Variants in TACR1 observed in about 807,000 individuals in gnomAD.
TACR1 encodes tachykinin receptor 1.
TACR1 carries 25 observed loss-of-function variants against 35.8 expected under a neutral mutation model. That is an observed-to-expected ratio of 0.70 (90% CI 0.51 to 0.98). The LOEUF (loss-of-function observed/expected upper bound fraction) is 0.98. Among genes scored for constraint, TACR1 ranks in the 50% least tolerant of loss-of-function variants. The pLI, the probability that TACR1 is intolerant of heterozygous loss-of-function variation, is 0.00. For synonymous variants in TACR1, 195 were observed against 206.7 expected (o/e 0.94, Z 0.48); for missense variants, 478 against 522.9 (o/e 0.91, Z 0.84).
intron 1 of TACR1, among the ~76,000 whole-genome samples, chr2:75,196,458 C>CTGTA (rs1675977321): frequency 6.6e-6 from 1 of 152,176 alleles, no homozygotes; most frequent in Admixed American, 6.5e-5. Context: ...CCTCCCTGGG[C>CTGTA]TGTATCTGCA....
At chr2:75,163,322 T>A (rs1480596903) in intron 1 of TACR1, among the ~76,000 whole-genome samples, 1 of 152,242 alleles carries the variant, frequency 6.6e-6, no homozygotes, top group African/African-American at 2.4e-5. Context: ...GCTTTCCTTT[T>A]GGGCTCAAGT....
Position 75,198,971 on chromosome 2 carries a change from C to A in TACR1, c.-37G>T. On this transcript the variant is annotated 5_prime_UTR_variant, in exon 1 of 5. Coordinates refer to ENST00000305249, the MANE Select transcript of TACR1 (RefSeq NM_001058.4). ...GCGGTAAAGCCCTACTATCTGTACA[C>A]AACCCCCCTCTGCAGCAGAGTCCTG... 1 of 1,595,802 alleles carries A rather than the reference C, an allele frequency of 6.3e-7. No homozygotes were observed. The highest frequency in any genetic ancestry group is 1.1e-5 in the South Asian group (1 of 87,940).
rs532215769 is a variant in TACR1, at chr2:75,092,922, T to G, written c.584+27652A>C. 9.8e-5 allele frequency among the ~76,000 whole-genome samples: 15 copies of G among 152,336 alleles called. No homozygotes were observed. The South Asian group carries it at 3.1e-3, about 32-fold the overall frequency. On this transcript the variant is annotated intron_variant, in intron 2 of 4. Transcript: ENST00000305249. Reference sequence around the variant, plus strand: ...AGATACGGAGAAATGGAATTAAAGCTATCAAAATAAGAAAATTCCTGATCA... The same window carrying G: ...AGATACGGAGAAATGGAATTAAAGCGATCAAAATAAGAAAATTCCTGATCA...
chr2:75,123,784 T>C (rs921737445), intron 1 of TACR1, among the ~76,000 whole-genome samples: 1 of 152,176 alleles, frequency 6.6e-6, no homozygotes, highest in Admixed American at 6.5e-5. Context: ...TTTTTTCTTA[T>C]TCACCCAAAA....
intron 1 of TACR1, among the ~76,000 whole-genome samples, chr2:75,153,222 T>G (rs781076808): frequency 2.0e-5 from 3 of 152,170 alleles, no homozygotes; most frequent in Non-Finnish European, 4.4e-5. Flanking sequence ...TAAGAGTTCT[T>G]TTAGGCAAAA....
chr2:75,055,842 G>A (rs183679124), intron 2 of TACR1, among the ~76,000 whole-genome samples: 1 of 152,304 alleles, frequency 6.6e-6, no homozygotes, highest in East Asian at 1.9e-4. Context: ...CAGCAGGGCT[G>A]GGGTGGGCCT....
chr2:75,096,424 G>A (rs1159735969), intron 2 of TACR1, among the ~76,000 whole-genome samples: 2 of 152,128 alleles, frequency 1.3e-5, no homozygotes, highest in Non-Finnish European at 2.9e-5. Context: ...GGAAGATCTG[G>A]ATTTAAATCC....
At chr2:75,173,083 G>T (rs1465988278) in intron 1 of TACR1, among the ~76,000 whole-genome samples, 4 of 152,074 alleles carry the variant, frequency 2.6e-5, no homozygotes, top group South Asian at 2.1e-4. Flanking sequence ...GGGGTGGGGG[G>T]TCAGGAACGG....
chr2:75,184,648 G>GA (rs562119868), intron 1 of TACR1, among the ~76,000 whole-genome samples: 10 of 150,256 alleles, frequency 6.7e-5, no homozygotes, highest in East Asian at 3.9e-4. Flanking sequence ...TAATCCATTA[G>GA]AAAAAAAACC....
chr2:75,152,035 C>T (rs187808041), intron 1 of TACR1, among the ~76,000 whole-genome samples: 318 of 152,310 alleles, frequency 2.1e-3, no homozygotes, highest in Non-Finnish European at 2.8e-3. Flanking sequence ...TACCCAATAT[C>T]TGTACCCCCA....
chr2:75,085,794 A>C (rs1395485714), intron 2 of TACR1, among the ~76,000 whole-genome samples: 1 of 151,888 alleles, frequency 6.6e-6, no homozygotes, highest in Non-Finnish European at 1.5e-5. Flanking sequence ...CCCTTTTTTC[A>C]TATCTTATTG....
At chr2:75,194,088 A>G (rs576593016) in intron 1 of TACR1, among the ~76,000 whole-genome samples, 1 of 152,246 alleles carries the variant, frequency 6.6e-6, no homozygotes, top group Admixed American at 6.5e-5. Flanking sequence ...TCCAATTCAA[A>G]CTATGATTTC....
At chr2:75,078,863 C>A (rs774373447) in intron 2 of TACR1, among the ~76,000 whole-genome samples, 1 of 152,158 alleles carries the variant, frequency 6.6e-6, no homozygotes, top group South Asian at 2.1e-4. Flanking sequence ...AGAGAGCTTT[C>A]GTTGCTTTAG....
chr2:75,079,269 G>T (rs533052568), intron 2 of TACR1, among the ~76,000 whole-genome samples: 3 of 152,000 alleles, frequency 2.0e-5, no homozygotes, highest in Non-Finnish European at 4.4e-5. Flanking sequence ...ACACATGGCC[G>T]CTGCTGTAGG....
At position 75,051,118 on chromosome 2, in the gene TACR1, A is replaced by G. The variant is rs981921648; in HGVS notation, c.932+133T>C. On this transcript the variant is annotated intron_variant, in intron 4 of 4. Transcript: ENST00000305249. ...ATCAGCCAGGCTGAGTTGTGTGATG[A>G]TAAGTTAGCTGCAGTCCCCACTTGT... 6 of 1,127,348 alleles carry G rather than the reference A, an allele frequency of 5.3e-6. No individual in the cohort carries two copies. In the African/African-American group the frequency reaches 7.7e-5, roughly 14 times the overall value. 69.8% of individuals were successfully genotyped at this position (1,127,348 alleles called of 1,614,324 possible). A position where few individuals can be genotyped will look rare whatever the true frequency, so the allele number is the denominator to read the frequency against.
chr2:75,142,673 G>T (rs1234229775), intron 1 of TACR1, among the ~76,000 whole-genome samples: 1 of 152,170 alleles, frequency 6.6e-6, no homozygotes, highest in Non-Finnish European at 1.5e-5. Flanking sequence ...CCAGAGGGGA[G>T]TGCAGGTTAC....
At chr2:75,090,320 A>T (rs1440590098) in intron 2 of TACR1, among the ~76,000 whole-genome samples, 2 of 152,238 alleles carry the variant, frequency 1.3e-5, no homozygotes, top group African/African-American at 4.8e-5. Context: ...TTAAAATTTA[A>T]TCTGAAAGAC....
intron 1 of TACR1, among the ~76,000 whole-genome samples, chr2:75,195,792 T>C (rs781223707): frequency 3.7e-4 from 57 of 152,266 alleles, no homozygotes; most frequent in Non-Finnish European, 6.2e-4. Context: ...TAAATAATAA[T>C]AGCATATTCA....
intron 2 of TACR1, among the ~76,000 whole-genome samples, chr2:75,084,011 C>G (rs979494151): frequency 8.5e-5 from 13 of 152,162 alleles, no homozygotes; most frequent in African/African-American, 2.9e-4. Context: ...TGCCAGTTTT[C>G]AAAGGGAATG....
Sources: allele counts gnomAD v4.1 joint callset (sites outside exome capture counted in the v4.1 genomes callset), GRCh38; gene constraint gnomAD v4.1.1; transcripts MANE v1.5; gene names NCBI Gene and HGNC (gene_info 2026-07-23, HGNC 2026-07-21).